Variants in CPEB3 observed in about 807,000 individuals in gnomAD.
CPEB3 encodes the protein cytoplasmic polyadenylation element-binding protein 3.
Under a neutral mutation model 67.2 loss-of-function variants are expected in CPEB3, and 20 were observed. That is an observed-to-expected ratio of 0.30 (90% CI 0.21 to 0.43). The LOEUF is 0.43. Among genes scored for constraint, CPEB3 ranks in the 20% least tolerant of loss-of-function variants. The pLI is 1.00. For synonymous variants in CPEB3, 376 were observed against 393.1 expected (o/e 0.96, Z 0.51); for missense variants, 746 against 968.6 (o/e 0.77, Z 3.05).
intron 8 of CPEB3, among the ~76,000 whole-genome samples, chr10:92,084,187 C>A (rs1843277711): frequency 7.5e-6 from 1 of 133,718 alleles, no homozygotes; most frequent in African/African-American, 3.1e-5. Context: ...AAAAAAAAAT[C>A]TTCAGGATCT....
At chr10:92,193,746 G>A (rs1849094709) in intron 2 of CPEB3, among the ~76,000 whole-genome samples, 1 of 151,946 alleles carries the variant, frequency 6.6e-6, no homozygotes, top group Admixed American at 6.6e-5. Context: ...AAAAACCAAA[G>A]GGTGACTATA....
chr10:92,286,692 T>C (rs1291833784), intron 1 of CPEB3, among the ~76,000 whole-genome samples: 1 of 152,092 alleles, frequency 6.6e-6, no homozygotes, highest in African/African-American at 2.4e-5. Flanking sequence ...AAAAACTTTC[T>C]GTAGCTTGGA....
intron 9 of CPEB3, among the ~76,000 whole-genome samples, chr10:92,080,436 T>C (rs1046951778): frequency 6.6e-6 from 1 of 152,072 alleles, no homozygotes; most frequent in Non-Finnish European, 1.5e-5. Context: ...GCACTCTTAA[T>C]GTCTCTAGAG....
chr10:92,061,874 T>TA (rs1842368245), intron 9 of CPEB3, among the ~76,000 whole-genome samples: 1 of 152,218 alleles, frequency 6.6e-6, no homozygotes, highest in Non-Finnish European at 1.5e-5. Flanking sequence ...AGGGGATGGA[T>TA]ACCCCATTCT....
At chr10:92,163,205 C>G (rs560803638) in intron 4 of CPEB3, among the ~76,000 whole-genome samples, 2 of 152,126 alleles carry the variant, frequency 1.3e-5, no homozygotes, top group African/African-American at 2.4e-5. Flanking sequence ...GAGGCCAAGG[C>G]GGGTGGATCA....
At chr10:92,112,956 T>C (rs1350429982) in intron 6 of CPEB3, among the ~76,000 whole-genome samples, 4 of 152,198 alleles carry the variant, frequency 2.6e-5, no homozygotes, top group South Asian at 2.1e-4. Context: ...CTGGGCAACA[T>C]GTAATGACAG....
intron 2 of CPEB3, among the ~76,000 whole-genome samples, chr10:92,203,530 T>TATA (rs1564863609): frequency 1.0e-5 from 1 of 97,832 alleles, no homozygotes; most frequent in Admixed American, 1.1e-4. Context: ...ATATATATAT[T>TATA]TTTTTTTTAG....
intron 2 of CPEB3, among the ~76,000 whole-genome samples, chr10:92,207,276 C>T (rs116986974): frequency 0.011 from 1,733 of 152,250 alleles, 15 homozygotes; most frequent in Middle Eastern, 0.024. Flanking sequence ...CACCACCATA[C>T]CCAGCCCATT....
In CPEB3 at chr10:92,050,171, G is replaced by GA. The variant is rs1331962995; in HGVS notation, c.*2040dup. 1 of 150,604 alleles carries GA rather than the reference G, an allele frequency of 6.6e-6. No individual in the cohort carries two copies. Among genetic ancestry groups the GA allele is most frequent in the Non-Finnish European group, 1.5e-5 (1 of 67,542 alleles). 9.3% of individuals were successfully genotyped at this position (150,604 alleles called of 1,614,324 possible). ...AGATGAAAAAAAACCCACAAACATA[G>GA]AAAAAAACAAACAAAACCACACCTG... On this transcript the variant is annotated 3_prime_UTR_variant, in exon 10 of 10. Transcript: ENST00000265997.
chr10:92,181,376 A>C (rs897763720), intron 3 of CPEB3, among the ~76,000 whole-genome samples: 5 of 127,984 alleles, frequency 3.9e-5, no homozygotes, highest in African/African-American at 1.3e-4. Context: ...GCAAAAAAAA[A>C]AAAAAAAAAA....
At chr10:92,066,546 A>G (rs950757252) in intron 9 of CPEB3, among the ~76,000 whole-genome samples, 1 of 152,216 alleles carries the variant, frequency 6.6e-6, no homozygotes, top group Non-Finnish European at 1.5e-5. Flanking sequence ...CATCTGGAGC[A>G]ACATAGCTTC....
chr10:92,117,439 C>T (rs1845096730), intron 6 of CPEB3, among the ~76,000 whole-genome samples: 1 of 144,598 alleles, frequency 6.9e-6, no homozygotes, highest in Admixed American at 6.9e-5. Flanking sequence ...AAGCCATTCT[C>T]CTGCCTCAGC....
At chr10:92,207,933 T>C (rs1306087604) in intron 2 of CPEB3, among the ~76,000 whole-genome samples, 2 of 152,204 alleles carry the variant, frequency 1.3e-5, no homozygotes, top group Non-Finnish European at 2.9e-5. Flanking sequence ...ATAGCCAATA[T>C]TGGTCATTAA....
intron 4 of CPEB3, among the ~76,000 whole-genome samples, chr10:92,162,145 T>A (rs1057205512): frequency 5.9e-5 from 9 of 152,160 alleles, no homozygotes; most frequent in Non-Finnish European, 1.2e-4. Flanking sequence ...AGAATTCTTT[T>A]TTTTTTTAAG....
chr10:92,220,650 C>T (rs1336746072), intron 2 of CPEB3, among the ~76,000 whole-genome samples: 2 of 151,046 alleles, frequency 1.3e-5, no homozygotes, highest in Non-Finnish European at 2.9e-5. Flanking sequence ...TTTACATATA[C>T]ATAGACCATC....
chr10:92,258,689 T>C (rs1462905218), intron 1 of CPEB3, among the ~76,000 whole-genome samples: 9 of 132,736 alleles, frequency 6.8e-5, no homozygotes, highest in Non-Finnish European at 1.4e-4. Flanking sequence ...TTTCATGTAT[T>C]TGTGTTCATC....
intron 2 of CPEB3, among the ~76,000 whole-genome samples, chr10:92,207,588 G>A (rs981808350): frequency 6.6e-6 from 1 of 152,028 alleles, no homozygotes; most frequent in African/African-American, 2.4e-5. Flanking sequence ...TAATCACCAC[G>A]CAGCCAGGCA....
intron 4 of CPEB3, among the ~76,000 whole-genome samples, chr10:92,174,937 G>T (rs550748334): frequency 1.3e-5 from 2 of 152,116 alleles, no homozygotes; most frequent in South Asian, 4.2e-4. Flanking sequence ...CCCAAATGTA[G>T]CAGTAATAAT....
At chr10:92,107,492 A>G (rs1844529670) in intron 7 of CPEB3, among the ~76,000 whole-genome samples, 1 of 152,162 alleles carries the variant, frequency 6.6e-6, no homozygotes, top group South Asian at 2.1e-4. Context: ...ACTCTTTTTC[A>G]GCCCCTATCT....
Sources: gnomAD v4.1 joint callset for allele counts (sites outside exome capture counted in the v4.1 genomes callset) on GRCh38, gnomAD v4.1.1 for gene constraint, MANE v1.5 for transcripts, NCBI Gene and HGNC (gene_info 2026-07-23, HGNC 2026-07-21) for gene names.